Variants in OPRM1 observed in about 807,000 individuals in gnomAD.
OPRM1 encodes mu-type opioid receptor.
A neutral mutation model predicts 31.8 loss-of-function variants in OPRM1; 27 were observed. The ratio of observed to expected loss-of-function variants is 0.85; its 90% CI spans 0.63 to 1.17. The LOEUF is 1.17. Ranked by LOEUF, OPRM1 falls within the 50% of genes most tolerant of loss-of-function variation. The pLI, the probability that OPRM1 is intolerant of heterozygous loss-of-function variation, is 0.00. For synonymous variants in OPRM1, 196 were observed against 189.9 expected (o/e 1.03, Z -0.26); for missense variants, 536 against 511.1 (o/e 1.05, Z -0.47).
rs538782997 is a variant in OPRM1, at chr6:154,127,387, C to T, written c.*8666C>T. The stretch of plus-strand genomic sequence containing the variant: ...GAAACACCTATGCCCTACTTGCCTA[C>T]TCTTCAAGGGTTTAGGGGCTTAGGG... On this transcript the variant is annotated 3_prime_UTR_variant, in exon 4 of 4. Coordinates refer to ENST00000330432, the MANE Select transcript of OPRM1 (RefSeq NM_000914.5). 1.5e-4 allele frequency among the ~76,000 whole-genome samples: 23 copies of T among 152,310 alleles called. No individual in the cohort carries two copies. The East Asian group carries it at 4.2e-3, about 28-fold the overall frequency.
chr6:154,118,731 A>G lies in OPRM1; in HGVS notation c.*10A>G, dbSNP rs201742539. The G allele has an allele frequency of 6.2e-7, 1 of 1,613,056 alleles. No individual in the cohort carries two copies. Among genetic ancestry groups the G allele is most frequent in the Non-Finnish European group, 8.5e-7 (1 of 1,179,484 alleles). On this transcript the variant is annotated 3_prime_UTR_variant, in exon 4 of 4. Transcript: ENST00000330432. ...TGCTCCGTTGCCCTAACAGGGTCTC[A>G]TGCCATTCCGACCTTCACCAAGCTT...
chr6:154,140,315 G>A (rs1189357172), intron 3 of OPRM1, among the ~76,000 whole-genome samples: 5 of 150,106 alleles, frequency 3.3e-5, no homozygotes, highest in Non-Finnish European at 5.9e-5. Context: ...AGAAAGTTTA[G>A]CCGTTTATGT....
chr6:154,192,604 T>A (rs1469949084), intron 3 of OPRM1, among the ~76,000 whole-genome samples: 1 of 151,868 alleles, frequency 6.6e-6, no homozygotes, highest in Non-Finnish European at 1.5e-5. Context: ...ATCTTCATAA[T>A]CTGTACATCT....
At chr6:154,230,533 C>T (rs1300446519) in intron 3 of OPRM1, among the ~76,000 whole-genome samples, 1 of 152,110 alleles carries the variant, frequency 6.6e-6, no homozygotes, top group East Asian at 1.9e-4. Flanking sequence ...TTCTTAGGTA[C>T]CTACACATGT....
intron 1 of OPRM1, among the ~76,000 whole-genome samples, chr6:154,077,022 A>T (rs950662562): frequency 6.6e-6 from 1 of 152,156 alleles, no homozygotes; most frequent in African/African-American, 2.4e-5. Flanking sequence ...GAAAAAAAAT[A>T]AAAGCAGGCA....
At chr6:154,181,765 C>A (rs1439867628) in intron 3 of OPRM1, among the ~76,000 whole-genome samples, 5 of 152,170 alleles carry the variant, frequency 3.3e-5, no homozygotes, top group African/African-American at 1.2e-4. Context: ...ATTGATAAGC[C>A]AGCCAGCAAT....
At chr6:154,055,592 G>T (rs953795155) in intron 1 of OPRM1, among the ~76,000 whole-genome samples, 1 of 152,052 alleles carries the variant, frequency 6.6e-6, no homozygotes, top group Non-Finnish European at 1.5e-5. Context: ...CCTAAGTTCT[G>T]CAGAGAAGAA....
rs1801604735 is a variant in OPRM1 at position 154,188,762 on chromosome 6, G to A, written c.1165-57931G>A. On this transcript the variant is annotated intron_variant, in intron 3 of 3. Transcript: ENST00000337049. Reference sequence around the variant, plus strand: ...ACTGAAGACTCATGTGGATGTTTGGGAGAAAAATGGCGTGTACAGAAATGA... The same window carrying A: ...ACTGAAGACTCATGTGGATGTTTGGAAGAAAAATGGCGTGTACAGAAATGA... 2.0e-5 allele frequency among the ~76,000 whole-genome samples: 3 copies of A among 152,214 alleles called. No individual in the cohort carries two copies. The South Asian group carries it at 6.2e-4, about 31-fold the overall frequency.
chr6:154,230,398 C>G (rs1021260439), intron 3 of OPRM1, among the ~76,000 whole-genome samples: 6 of 152,068 alleles, frequency 3.9e-5, no homozygotes, highest in Admixed American at 6.6e-5. Flanking sequence ...AAAATTAAGT[C>G]TTTTAGAAAT....
At chr6:154,027,377 C>G (rs1437747713) in intron 1 of OPRM1, among the ~76,000 whole-genome samples, 1 of 152,196 alleles carries the variant, frequency 6.6e-6, no homozygotes, top group African/African-American at 2.4e-5. Context: ...GGTGGTGTGA[C>G]ACAAGCACCC....
rs538108722 is a variant in OPRM1 at position 154,061,030 on chromosome 6, T to A, written c.290+21196T>A. Among the ~76,000 whole-genome samples the A allele has an allele frequency of 5.3e-5, 8 of 152,334 alleles. No homozygotes were observed. In the East Asian group the frequency reaches 9.6e-4, roughly 18 times the overall value. The stretch of plus-strand genomic sequence containing the variant: ...TAAAATGGGTAGTAAAATTTGTGAA[T>A]TTAAACATATTTAACAGTGGTGTAT... On this transcript the variant is annotated intron_variant, in intron 1 of 3. Coordinates refer to ENST00000330432, the MANE Select transcript of OPRM1 (RefSeq NM_000914.5).
upstream of OPRM1, among the ~76,000 whole-genome samples, chr6:154,037,064 G>T (rs1779347430): frequency 6.6e-6 from 1 of 151,838 alleles, no homozygotes; most frequent in Admixed American, 6.6e-5. Flanking sequence ...ATCATGAATT[G>T]GATCTAACAA....
At chr6:154,134,088 T>C (rs1797996302), downstream of OPRM1, among the ~76,000 whole-genome samples, 1 of 152,232 alleles carries the variant, frequency 6.6e-6, no homozygotes. Context: ...TGGGGAACCA[T>C]CAGTGATCTT....
chr6:154,104,734 G>A (rs1795340118), intron 3 of OPRM1, among the ~76,000 whole-genome samples: 1 of 152,218 alleles, frequency 6.6e-6, no homozygotes, highest in Non-Finnish European at 1.5e-5. Context: ...TTTGTATAAA[G>A]TGCAGCAAGA....
chr6:154,075,899 T>G (rs959081074), intron 1 of OPRM1, among the ~76,000 whole-genome samples: 5 of 152,182 alleles, frequency 3.3e-5, no homozygotes, highest in Non-Finnish European at 5.9e-5. Flanking sequence ...AGCCTTAGTT[T>G]TCTTGCCTGT....
intron 1 of OPRM1, among the ~76,000 whole-genome samples, chr6:154,050,994 A>T (rs1266980845): frequency 6.6e-6 from 1 of 152,224 alleles, no homozygotes; most frequent in Admixed American, 6.5e-5. Context: ...ATTCCTGTAT[A>T]TTTCTAAAAT....
At chr6:154,213,719 G>C (rs1778149611) in intron 3 of OPRM1, among the ~76,000 whole-genome samples, 1 of 152,096 alleles carries the variant, frequency 6.6e-6, no homozygotes, top group Non-Finnish European at 1.5e-5. Flanking sequence ...TTAGACTCCT[G>C]TAGCTTTTGA....
chr6:154,117,856 A>T (rs1183401551), intron 3 of OPRM1, among the ~76,000 whole-genome samples: 1 of 35,386 alleles, frequency 2.8e-5, no homozygotes, highest in African/African-American at 9.1e-5. Context: ...GCTTAAAAAG[A>T]TGGTGTGTGT....
intron 3 of OPRM1, among the ~76,000 whole-genome samples, chr6:154,195,639 C>T (rs1473270695): frequency 6.6e-6 from 1 of 152,050 alleles, no homozygotes; most frequent in Non-Finnish European, 1.5e-5. Flanking sequence ...GTCTTGGGTC[C>T]CTGCTCTCTT....
Sources: allele counts gnomAD v4.1 joint callset (sites outside exome capture counted in the v4.1 genomes callset), GRCh38; gene constraint gnomAD v4.1.1; transcripts MANE v1.5; gene names NCBI Gene and HGNC (gene_info 2026-07-23, HGNC 2026-07-21).